ACADM: variants seen among roughly 807,000 people sequenced by gnomAD.
ACADM encodes medium-chain specific acyl-CoA dehydrogenase, mitochondrial.
A neutral mutation model predicts 58.9 loss-of-function variants in ACADM; 49 were observed. The observed-to-expected ratio is 0.83, with a 90% CI of 0.66 to 1.06. ACADM has a LOEUF of 1.06. Ranked by LOEUF, ACADM falls within the 50% of genes least tolerant of loss-of-function variation. The probability of loss-of-function intolerance (pLI) is 0.00; values close to 1 mark genes in which losing one functional copy is unlikely to be tolerated. For synonymous variants in ACADM, 160 were observed against 157.7 expected (o/e 1.01, Z -0.11); for missense variants, 496 against 507.0 (o/e 0.98, Z 0.21).
intron 10 of ACADM, 145 bp downstream of exon 10, chr1:75,750,691 G>C: frequency 1.4e-6 from 1 of 707,592 alleles, no homozygotes; most frequent in African/African-American, 1.8e-5. Flanking sequence ...GAGTTTCAAA[G>C]ACATTTCTTT....
intron 6 of ACADM, among the ~76,000 whole-genome samples, chr1:75,735,107 G>A (rs761644052): frequency 2.6e-4 from 39 of 151,962 alleles, no homozygotes; most frequent in Admixed American, 4.6e-4. Context: ...ATTACTTGAG[G>A]TTAGGAGTTC....
At chr1:75,755,761 A>G (rs1407531631) in intron 10 of ACADM, among the ~76,000 whole-genome samples, 1 of 152,232 alleles carries the variant, frequency 6.6e-6, no homozygotes, top group Non-Finnish European at 1.5e-5. Context: ...TGGATGGAGA[A>G]TGACGAGTTG....
intron 10 of ACADM, among the ~76,000 whole-genome samples, chr1:75,760,499 C>T (rs1570908861): frequency 8.5e-6 from 1 of 117,408 alleles, no homozygotes; most frequent in Non-Finnish European, 1.6e-5. Flanking sequence ...GATCTGAGAT[C>T]ATGCCATTGC....
chr1:75,728,215 A>T (rs572471702), intron 1 of ACADM, among the ~76,000 whole-genome samples, 186 bp from the exon 2 acceptor site: 1 of 152,294 alleles, frequency 6.6e-6, no homozygotes, highest in East Asian at 1.9e-4. Flanking sequence ...CTCCTCTGTA[A>T]TAGGAATTTA....
At chr1:75,728,992 AC>A (rs1164820233) in intron 2 of ACADM, among the ~76,000 whole-genome samples, 5 of 152,144 alleles carry the variant, frequency 3.3e-5, no homozygotes, top group African/African-American at 1.2e-4. Flanking sequence ...AAAACTACAC[AC>A]AAAAAATTTG....
chr1:75,733,393 A>G (rs745514944), intron 4 of ACADM, 135 bp from the exon 5 acceptor site: 16 of 997,372 alleles, frequency 1.6e-5, no homozygotes, highest in Middle Eastern at 2.2e-4. Flanking sequence ...CAGCCAGAAC[A>G]CATGTAGATA....
At chr1:75,727,333 T>G (rs1647072932) in intron 1 of ACADM, among the ~76,000 whole-genome samples, 1 of 152,188 alleles carries the variant, frequency 6.6e-6, no homozygotes, top group Non-Finnish European at 1.5e-5. Context: ...TTGAAAAACA[T>G]AAGAATTTAA....
rs1647883590 is a variant in ACADM, at chr1:75,746,047, A to G, written c.708+133A>G. The G allele has an allele frequency of 4.3e-6, 3 of 694,302 alleles. No homozygotes were observed. In the South Asian group the frequency reaches 5.3e-5, roughly 12 times the overall value. The allele number at this position is 694,302 out of a possible 1,614,324, so 43.0% of individuals were successfully genotyped here. A position where few individuals can be genotyped will look rare whatever the true frequency, so the allele number is the denominator to read the frequency against. ...AAAAATAAAGCTATGTTTTGATGAT[A>G]TTAGATCAAATAGTCTATATACTAC... is the stretch of plus-strand genomic sequence containing the variant. On this transcript the variant is annotated intron_variant, in intron 8 of 11. Coordinates refer to ENST00000370841, the MANE Select transcript of ACADM (RefSeq NM_000016.6).
intron 9 of ACADM, 115 bp from the exon 10 acceptor site, chr1:75,750,336 C>T: frequency 1.2e-6 from 1 of 857,096 alleles, no homozygotes; most frequent in East Asian, 2.6e-5. Flanking sequence ...CCACCAGTTT[C>T]TTGTTGCTGT....
intron 10 of ACADM, among the ~76,000 whole-genome samples, chr1:75,758,286 G>C (rs1004844841): frequency 6.6e-6 from 1 of 152,100 alleles, no homozygotes; most frequent in Non-Finnish European, 1.5e-5. Flanking sequence ...GGCCAGGCTG[G>C]TCTCAAACTC....
At chr1:75,743,623 A>G (rs1647709512) in intron 7 of ACADM, 1 of 1,550,832 alleles carries the variant, frequency 6.4e-7, no homozygotes, top group East Asian at 2.2e-5. Context: ...GGGGGTTGAT[A>G]ATGGGTGTTC....
intron 10 of ACADM, among the ~76,000 whole-genome samples, chr1:75,757,751 A>G (rs77230620): frequency 0.049 from 7,452 of 152,214 alleles, 276 homozygotes; most frequent in African/African-American, 0.11. Flanking sequence ...AAAGACTTCT[A>G]TGACCAAAGA....
intron 7 of ACADM, chr1:75,743,802 C>T: frequency 6.6e-7 from 1 of 1,518,640 alleles, no homozygotes; most frequent in Non-Finnish European, 9.2e-7. Context: ...CCACCAGACC[C>T]TGTGGGGTGG....
chr1:75,761,021 A>C lies in ACADM; in HGVS notation c.946-101A>C, dbSNP rs1160424537. 39 of 1,209,998 alleles carry C rather than the reference A, an allele frequency of 3.2e-5. No homozygotes were observed. The East Asian group carries it at 9.7e-4, about 30-fold the overall frequency. The allele number at this position is 1,209,998 out of a possible 1,614,324, so 75.0% of individuals were successfully genotyped here. A position where few individuals can be genotyped will look rare whatever the true frequency, so the allele number is the denominator to read the frequency against. On this transcript the variant is annotated intron_variant, in intron 10 of 11. Coordinates refer to ENST00000370841, the MANE Select transcript of ACADM (RefSeq NM_000016.6). ...CAGGAGTTGCAGACCAGCCTGGGCA[A>C]CATAGCAAGACCCCGTCACTATAAA... is the stretch of plus-strand genomic sequence containing the variant.
Position 75,749,490 on chromosome 1 carries a change from A to C in ACADM, c.780A>C (p.Glu260Asp). ...TCGAAGATGTGAAAGTGCCTAAAGA[A>C]AATGTTTTAATTGGTGACGGAGCTG... ...IVFEDVKVPK[E>D]NVLIGDGAGF... is the part of the protein sequence containing the mutation. The change falls in exon 9 of 12, where the codon GAA (glutamate) becomes GAC (aspartate). Residue 260 changes from glutamate (E) to aspartate (D), a missense_variant. Coordinates refer to ENST00000370841, the MANE Select transcript of ACADM (RefSeq NM_000016.6). The C allele has an allele frequency of 6.2e-7, 1 of 1,614,118 alleles. No homozygotes were observed. Among genetic ancestry groups the C allele is most frequent in the Non-Finnish European group, 8.5e-7 (1 of 1,180,004 alleles).
At chr1:75,735,677 A>G (rs1335747537) in intron 6 of ACADM, among the ~76,000 whole-genome samples, 1 of 151,906 alleles carries the variant, frequency 6.6e-6, no homozygotes, top group African/African-American at 2.4e-5. Flanking sequence ...AAATGGAGAA[A>G]CCCCATCTCT....
intron 8 of ACADM, among the ~76,000 whole-genome samples, chr1:75,746,745 T>A (rs1647926276): frequency 6.6e-6 from 1 of 152,028 alleles, no homozygotes; most frequent in Non-Finnish European, 1.5e-5. Flanking sequence ...ATTATTGGCA[T>A]GCACCACCAC....
intron 1 of ACADM, among the ~76,000 whole-genome samples, chr1:75,726,229 G>T (rs1464397434): frequency 6.6e-6 from 1 of 152,070 alleles, no homozygotes; most frequent in Non-Finnish European, 1.5e-5. Context: ...CCAAAGCAGG[G>T]AAACCCTGTC....
At chr1:75,733,099 C>T (rs367640956) in intron 4 of ACADM, 177 bp downstream of exon 4, 43 of 1,612,802 alleles carry the variant, frequency 2.7e-5, no homozygotes, top group Admixed American at 8.3e-5. Flanking sequence ...TACCTAGATG[C>T]GTTTTTCCTT....
Sources: gnomAD v4.1 joint callset for allele counts (sites outside exome capture counted in the v4.1 genomes callset) on GRCh38, gnomAD v4.1.1 for gene constraint, MANE v1.5 for transcripts, NCBI Gene and HGNC (gene_info 2026-07-23, HGNC 2026-07-21) for gene names.